Variants in RABGAP1L observed in about 807,000 individuals in gnomAD.
RABGAP1L encodes RAB GTPase activating protein 1 like, also known as rab GTPase-activating protein 1-like.
In RABGAP1L, 63 loss-of-function variants were observed where a neutral mutation model predicts 137.7. The observed-to-expected ratio is 0.46, with a 90% CI of 0.37 to 0.56. The LOEUF is 0.56. RABGAP1L is among the 20% of genes least tolerant of loss of function. The pLI is 0.00. For synonymous variants in RABGAP1L, 431 were observed against 433.7 expected (o/e 0.99, Z 0.08); for missense variants, 1,095 against 1,244.0 (o/e 0.88, Z 1.80).
intron 13 of RABGAP1L, among the ~76,000 whole-genome samples, chr1:174,540,330 G>C (rs1338866822): frequency 6.6e-6 from 1 of 152,088 alleles, no homozygotes; most frequent in Non-Finnish European, 1.5e-5. Flanking sequence ...GGCTTTTGTT[G>C]CCATTGTTTT....
chr1:174,358,520 T>C (rs1683842216), intron 11 of RABGAP1L, among the ~76,000 whole-genome samples: 1 of 152,186 alleles, frequency 6.6e-6, no homozygotes. Context: ...CTGGTTTGGC[T>C]TGATTGTAGA....
intron 6 of RABGAP1L, among the ~76,000 whole-genome samples, chr1:174,251,897 A>AT (rs747467937): frequency 0.012 from 1,729 of 140,086 alleles, 19 homozygotes; most frequent in South Asian, 0.034. Context: ...TCATGTTGTC[A>AT]TTTTTTTTTT....
At position 174,978,794 on chromosome 1, in the gene RABGAP1L, C is replaced by A. The variant is rs1197858164; in HGVS notation, c.2650-13C>A. 6.6e-7 allele frequency: 1 copy of A among 1,521,600 alleles called. No homozygotes were observed. 94.3% of individuals were successfully genotyped at this position (1,521,600 alleles called of 1,614,324 possible). A position where few individuals can be genotyped will look rare whatever the true frequency, so the allele number is the denominator to read the frequency against. On this transcript the variant is annotated splice_polypyrimidine_tract_variant and intron_variant, in intron 22 of 25. Coordinates refer to ENST00000681986, the MANE Select transcript of RABGAP1L (RefSeq NM_001366446.1). ...TGGCTAAATCCTGATATTTCTCATT[C>A]TATTCTTTCTAGCTAAAAGAAGTCT... is the stretch of plus-strand genomic sequence containing the variant.
At chr1:174,446,387 C>T (rs1450615264) in intron 13 of RABGAP1L, among the ~76,000 whole-genome samples, 2 of 152,204 alleles carry the variant, frequency 1.3e-5, no homozygotes, top group Admixed American at 6.5e-5. Context: ...AAATAACTTT[C>T]AGAAGAATGC....
chr1:174,239,795 T>A (rs1211249357), intron 4 of RABGAP1L, among the ~76,000 whole-genome samples: 1 of 152,178 alleles, frequency 6.6e-6, no homozygotes, highest in Admixed American at 6.5e-5. Context: ...GAGGTTGAAT[T>A]TGTCTGGAGC....
chr1:174,943,826 C>T (rs1666294037), intron 19 of RABGAP1L, among the ~76,000 whole-genome samples: 1 of 151,248 alleles, frequency 6.6e-6, no homozygotes, highest in Non-Finnish European at 1.5e-5. Flanking sequence ...GTGCGAGACT[C>T]CATCTCAAAA....
intron 18 of RABGAP1L, chr1:174,800,445 G>C (rs966799589): frequency 6.4e-7 from 1 of 1,550,922 alleles, no homozygotes; most frequent in Non-Finnish European, 8.7e-7. Flanking sequence ...TATGCGTGTC[G>C]AGTGCTGGAA....
intron 18 of RABGAP1L, among the ~76,000 whole-genome samples, chr1:174,768,464 G>A (rs1393959971): frequency 1.3e-5 from 2 of 152,194 alleles, no homozygotes; most frequent in Non-Finnish European, 2.9e-5. Flanking sequence ...GAGTTTAACA[G>A]GTATATGACC....
At chr1:174,487,764 C>T (rs183569480) in intron 13 of RABGAP1L, among the ~76,000 whole-genome samples, 1 of 152,076 alleles carries the variant, frequency 6.6e-6, no homozygotes, top group Non-Finnish European at 1.5e-5. Context: ...TAATTTCTTG[C>T]TTTTTATTTT....
intron 19 of RABGAP1L, among the ~76,000 whole-genome samples, chr1:174,865,077 G>A (rs923647183): frequency 7.2e-5 from 11 of 152,064 alleles, no homozygotes; most frequent in Non-Finnish European, 1.6e-4. Flanking sequence ...AAGAGATTGC[G>A]CCACTGCACT....
chr1:174,536,659 C>G (rs1664916017), intron 13 of RABGAP1L, among the ~76,000 whole-genome samples: 1 of 151,996 alleles, frequency 6.6e-6, no homozygotes, highest in Admixed American at 6.6e-5. Flanking sequence ...GAAGGGAAAA[C>G]CCATCTTTGG....
intron 13 of RABGAP1L, among the ~76,000 whole-genome samples, chr1:174,469,641 T>TC (rs1387985654): frequency 6.6e-6 from 1 of 151,960 alleles, no homozygotes; most frequent in African/African-American, 2.4e-5. Context: ...CAGAAAAAAA[T>TC]CCCTCACTAT....
At position 174,203,909 on chromosome 1, in the gene RABGAP1L, A is replaced by G. The variant is rs535058650; in HGVS notation, c.-33-15216A>G. ...CTCTTGGCTTAGCTGTTGTTGGTGTATAGGAATGCTAGTGATTTTTGTACA... is the reference window on the plus strand; with the variant it reads ...CTCTTGGCTTAGCTGTTGTTGGTGTGTAGGAATGCTAGTGATTTTTGTACA... On this transcript the variant is annotated intron_variant, in intron 1 of 25. Transcript: ENST00000681986. 1.2e-4 allele frequency among the ~76,000 whole-genome samples: 17 copies of G among 146,504 alleles called. No individual in the cohort carries two copies. In the South Asian group the frequency reaches 1.6e-3, roughly 13 times the overall value.
intron 20 of RABGAP1L, among the ~76,000 whole-genome samples, chr1:174,967,110 T>TC (rs1669697877): frequency 6.6e-6 from 1 of 151,952 alleles, no homozygotes; most frequent in Non-Finnish European, 1.5e-5. Flanking sequence ...TGGGGTTTTT[T>TC]TCCCCCCTAC....
At chr1:174,293,717 G>A (rs1239674229) in intron 10 of RABGAP1L, among the ~76,000 whole-genome samples, 1 of 151,890 alleles carries the variant, frequency 6.6e-6, no homozygotes, top group Non-Finnish European at 1.5e-5. Context: ...CTGAGATGCC[G>A]GTATTCATTT....
chr1:174,807,639 C>T (rs889853853), intron 18 of RABGAP1L, among the ~76,000 whole-genome samples: 13 of 152,204 alleles, frequency 8.5e-5, no homozygotes, highest in Non-Finnish European at 1.9e-4. Context: ...CAAAGTAGGA[C>T]TAACTACAGG....
At chr1:174,665,721 T>A (rs933026201) in intron 14 of RABGAP1L, among the ~76,000 whole-genome samples, 1 of 152,240 alleles carries the variant, frequency 6.6e-6, no homozygotes, top group Non-Finnish European at 1.5e-5. Flanking sequence ...TGCCTTGGCC[T>A]CCCAAAGTGC....
At chr1:174,341,422 A>T (rs1457120469) in intron 11 of RABGAP1L, among the ~76,000 whole-genome samples, 1 of 152,246 alleles carries the variant, frequency 6.6e-6, no homozygotes, top group Non-Finnish European at 1.5e-5. Context: ...CTTTATCAAC[A>T]CTTCTGTAAG....
At position 174,404,524 on chromosome 1, in the gene RABGAP1L, G is replaced by A. The variant is rs555637989; in HGVS notation, c.1710+10379G>A. Among the ~76,000 whole-genome samples the A allele has an allele frequency of 5.3e-5, 8 of 151,978 alleles. No individual in the cohort carries two copies. In the South Asian group the frequency reaches 6.2e-4, roughly 12 times the overall value. On this transcript the variant is annotated intron_variant, in intron 13 of 25. Coordinates refer to ENST00000681986, the MANE Select transcript of RABGAP1L (RefSeq NM_001366446.1). The stretch of plus-strand genomic sequence containing the variant: ...ACAAATACATATCATGGTAAGCCTC[G>A]GGAAATATATGTCATGTCAAAATGA...
Sources: gnomAD v4.1 joint callset for allele counts (sites outside exome capture counted in the v4.1 genomes callset) on GRCh38, gnomAD v4.1.1 for gene constraint, MANE v1.5 for transcripts, NCBI Gene and HGNC (gene_info 2026-07-23, HGNC 2026-07-21) for gene names.